The following PDLIM5 variants were observed in gnomAD, a reference collection of about 807,000 sequenced individuals.
PDLIM5 encodes PDZ and LIM domain protein 5.
PDLIM5 carries 34 observed loss-of-function variants against 64.2 expected under a neutral mutation model. That is an observed-to-expected ratio of 0.53 (90% CI 0.40 to 0.71). PDLIM5 has a LOEUF of 0.71. Ranked by LOEUF, PDLIM5 falls within the 30% of genes least tolerant of loss-of-function variation. PDLIM5 has a pLI of 0.00. For missense variants in PDLIM5, 683 were observed against 733.6 expected, an observed-to-expected ratio of 0.93 and a Z score of 0.80; for synonymous variants, 253 against 269.1, an observed-to-expected ratio of 0.94 and a Z score of 0.59.
chr4:94,658,748 G>C (rs1208137095), intron 11 of PDLIM5, among the ~76,000 whole-genome samples: 1 of 152,196 alleles, frequency 6.6e-6, no homozygotes, highest in Non-Finnish European at 1.5e-5. Context: ...ATTCCAGACT[G>C]TCTCCCAGGA....
chr4:94,539,333 G>T (rs1283800295), intron 3 of PDLIM5, among the ~76,000 whole-genome samples: 1 of 152,046 alleles, frequency 6.6e-6, no homozygotes, highest in Admixed American at 6.6e-5. Context: ...TGTTACATGT[G>T]CTTTAGGCTG....
intron 7 of PDLIM5, among the ~76,000 whole-genome samples, chr4:94,612,476 C>G (rs560982128): frequency 6.6e-6 from 1 of 152,124 alleles, no homozygotes; most frequent in African/African-American, 2.4e-5. Flanking sequence ...CTTGAGTACA[C>G]TTAGACCACA....
At chr4:94,574,317 G>T (rs940595260) in intron 4 of PDLIM5, among the ~76,000 whole-genome samples, 1 of 152,056 alleles carries the variant, frequency 6.6e-6, no homozygotes, top group Non-Finnish European at 1.5e-5. Flanking sequence ...GGCCAACATG[G>T]TGATACTTCA....
chr4:94,471,367 T>G (rs776045169), intron 2 of PDLIM5, among the ~76,000 whole-genome samples: 4 of 152,084 alleles, frequency 2.6e-5, no homozygotes, highest in Admixed American at 1.3e-4. Flanking sequence ...TAAAGTAATC[T>G]AATAGTACTT....
chr4:94,582,027 G>C (rs1735774978), intron 5 of PDLIM5, among the ~76,000 whole-genome samples: 1 of 152,156 alleles, frequency 6.6e-6, no homozygotes, highest in African/African-American at 2.4e-5. Flanking sequence ...TGAGGGACAG[G>C]AGAGAGTAAG....
At chr4:94,542,640 A>G (rs1291972321) in intron 3 of PDLIM5, among the ~76,000 whole-genome samples, 1 of 152,172 alleles carries the variant, frequency 6.6e-6, no homozygotes, top group African/African-American at 2.4e-5. Flanking sequence ...ATACTGTCCT[A>G]CACAAGCAAT....
chr4:94,511,309 T>C (rs1728849913), intron 2 of PDLIM5, among the ~76,000 whole-genome samples: 1 of 152,290 alleles, frequency 6.6e-6, no homozygotes, highest in African/African-American at 2.4e-5. Context: ...CATACCTTTT[T>C]ATTATTTTTT....
At chr4:94,471,594 A>G (rs768006435) in intron 2 of PDLIM5, among the ~76,000 whole-genome samples, 19 of 152,138 alleles carry the variant, frequency 1.2e-4, no homozygotes, top group Non-Finnish European at 2.5e-4. Flanking sequence ...TGTTGATTGT[A>G]GTTATTACAA....
chr4:94,478,890 G>GGTTT (rs1235050313), intron 2 of PDLIM5, among the ~76,000 whole-genome samples: 1 of 94,124 alleles, frequency 1.1e-5, no homozygotes, highest in African/African-American at 4.5e-5. Context: ...TGTGCTTGGT[G>GGTTT]TTTTTTTTTT....
chr4:94,493,423 A>G (rs1727050528), intron 2 of PDLIM5, among the ~76,000 whole-genome samples: 1 of 151,846 alleles, frequency 6.6e-6, no homozygotes, highest in Non-Finnish European at 1.5e-5. Flanking sequence ...TGATCCTGCC[A>G]CCTCAGCCTG....
chr4:94,517,464 A>C (rs2452568), intron 2 of PDLIM5, among the ~76,000 whole-genome samples: 2 of 152,122 alleles, frequency 1.3e-5, no homozygotes, highest in African/African-American at 4.8e-5. Flanking sequence ...TAAGAAAAAT[A>C]ACACTTTCTC....
intron 7 of PDLIM5, among the ~76,000 whole-genome samples, chr4:94,613,335 A>C (rs1427486629): frequency 6.6e-6 from 1 of 152,220 alleles, no homozygotes; most frequent in Non-Finnish European, 1.5e-5. Flanking sequence ...TTCTTCAAGC[A>C]GAGTTTTTCC....
At chr4:94,484,124 G>A (rs1202037888) in intron 2 of PDLIM5, among the ~76,000 whole-genome samples, 1 of 152,136 alleles carries the variant, frequency 6.6e-6, no homozygotes, top group Non-Finnish European at 1.5e-5. Context: ...CTGAGATCAT[G>A]GTTCAGCCAA....
At chr4:94,524,452 G>A (rs938348128) in intron 3 of PDLIM5, among the ~76,000 whole-genome samples, 4 of 151,354 alleles carry the variant, frequency 2.6e-5, no homozygotes, top group Admixed American at 1.3e-4. Context: ...TGGAGTGCAG[G>A]CTAAGAATTC....
At chr4:94,653,553 A>G (rs1741996657) in intron 9 of PDLIM5, among the ~76,000 whole-genome samples, 1 of 132,922 alleles carries the variant, frequency 7.5e-6, no homozygotes, top group African/African-American at 2.6e-5. Context: ...GGGGAAAAAA[A>G]TCTCTTACAA....
chr4:94,624,492 A>G (rs1343940820), intron 8 of PDLIM5, among the ~76,000 whole-genome samples: 1 of 152,216 alleles, frequency 6.6e-6, no homozygotes, highest in Non-Finnish European at 1.5e-5. Context: ...AAATCAAACT[A>G]TGAGTCCCAG....
intron 11 of PDLIM5, among the ~76,000 whole-genome samples, chr4:94,660,725 T>C (rs1202382915): frequency 6.6e-6 from 1 of 152,056 alleles, no homozygotes; most frequent in African/African-American, 2.4e-5. Flanking sequence ...ATACTAAAGA[T>C]TGACAATTGC....
intron 2 of PDLIM5, among the ~76,000 whole-genome samples, chr4:94,473,601 TA>T (rs1033266307): frequency 6.6e-6 from 1 of 152,202 alleles, no homozygotes; most frequent in African/African-American, 2.4e-5. Context: ...TTCTCAAAAT[TA>T]AATCCTGTGC....
intron 2 of PDLIM5, chr4:94,489,160 G>C (rs1244540807): frequency 2.6e-5 from 4 of 152,176 alleles, no homozygotes; most frequent in Admixed American, 2.6e-4. Flanking sequence ...GTCTTTAATA[G>C]TATATTGTCT....
Sources: gnomAD v4.1 joint callset for allele counts (sites outside exome capture counted in the v4.1 genomes callset) on GRCh38, gnomAD v4.1.1 for gene constraint, MANE v1.5 for transcripts, NCBI Gene and HGNC (gene_info 2026-07-23, HGNC 2026-07-21) for gene names.